ARSF: variants seen among roughly 807,000 people sequenced by gnomAD.
ARSF encodes arylsulfatase F.
In ARSF, 33 loss-of-function variants were observed where a neutral mutation model predicts 35.4. That is an observed-to-expected ratio of 0.93 (90% CI 0.71 to 1.25). ARSF has a LOEUF of 1.25. ARSF is among the 50% of genes most tolerant of loss of function. The pLI, the probability that ARSF is intolerant of heterozygous loss-of-function variation, is 0.00. For synonymous variants in ARSF, 222 were observed against 193.1 expected, an observed-to-expected ratio of 1.15 and a Z score of -1.24; for missense variants, 501 against 480.2, an observed-to-expected ratio of 1.04 and a Z score of -0.40.
At chrX:3,081,055 A>ATCATG in intron 5 of ARSF, 42 bp downstream of exon 5, 1 of 1,192,622 alleles carries the variant, frequency 8.4e-7, no homozygotes, top group Non-Finnish European at 1.1e-6. Context: ...TCATAAGGTA[A>ATCATG]TCATGTCCTT....
chrX:3,068,456 G>A (rs1190782110), intron 2 of ARSF, among the ~76,000 whole-genome samples: 9 of 111,745 alleles, frequency 8.1e-5, no homozygotes, highest in African/African-American at 2.6e-4. Flanking sequence ...GTTTTGCTCT[G>A]TCACCCAGGG....
At chrX:3,046,103 C>T (rs1356735139) in intron 1 of ARSF, among the ~76,000 whole-genome samples, 4 of 111,173 alleles carry the variant, frequency 3.6e-5, no homozygotes, top group Non-Finnish European at 7.5e-5. Context: ...CCAGGCTGGT[C>T]TCGAACTCCT....
intron 9 of ARSF, 121 bp from the exon 10 acceptor site, chrX:3,110,007 C>A: frequency 1.5e-6 from 1 of 671,179 alleles, no homozygotes; most frequent in Non-Finnish European, 2.1e-6. Context: ...CCTAAAGACT[C>A]AGTACGCTGT....
At chrX:3,092,205 A>C (rs976653496) in intron 7 of ARSF, among the ~76,000 whole-genome samples, 5 of 109,770 alleles carry the variant, frequency 4.6e-5, no homozygotes, top group African/African-American at 1.7e-4. Flanking sequence ...ACATACATAC[A>C]TACATAGATA....
intron 9 of ARSF, among the ~76,000 whole-genome samples, chrX:3,105,986 C>G (rs2090408773): frequency 8.9e-6 from 1 of 111,765 alleles, no homozygotes; most frequent in African/African-American, 3.3e-5. Flanking sequence ...CAAGTTCCAG[C>G]CGTTGTCCTC....
chrX:3,081,691 G>C (rs2090202957), intron 5 of ARSF, among the ~76,000 whole-genome samples: 1 of 110,993 alleles, frequency 9.0e-6, no homozygotes, highest in African/African-American at 3.3e-5. Context: ...TATATTACAA[G>C]AACATAAAAT....
At chrX:3,060,906 G>C (rs1187719666) in intron 1 of ARSF, among the ~76,000 whole-genome samples, 9 of 111,749 alleles carry the variant, frequency 8.1e-5, no homozygotes, top group Non-Finnish European at 1.7e-4. Flanking sequence ...TATTATCCAG[G>C]AGAACTTCCC....
upstream of ARSF, among the ~76,000 whole-genome samples, chrX:3,041,204 CCAAT>C (rs2089953431): frequency 9.0e-6 from 1 of 111,150 alleles, no homozygotes; most frequent in African/African-American, 3.3e-5. Flanking sequence ...CAACCTGCAA[CCAAT>C]CAGTTCCTAA....
At position 3,087,687 on chromosome X, in the gene ARSF, G is replaced by A. The variant is rs191909785; in HGVS notation, c.831-1809G>A. Among the ~76,000 whole-genome samples the A allele has an allele frequency of 2.7e-5, 3 of 111,974 alleles. No homozygotes were observed. The East Asian group carries it at 8.4e-4, about 31-fold the overall frequency. ...TATCCAGTTTCTTCTGGAGGCTCTAGGGGAGGATCTCTTCTGCCTCCTCTA... is the reference window on the plus strand; with the variant it reads ...TATCCAGTTTCTTCTGGAGGCTCTAAGGGAGGATCTCTTCTGCCTCCTCTA... On this transcript the variant is annotated intron_variant, in intron 6 of 10. Coordinates refer to ENST00000381127, the MANE Select transcript of ARSF (RefSeq NM_001201539.2).
intron 4 of ARSF, among the ~76,000 whole-genome samples, chrX:3,077,621 AGAGC>A (rs1389318908): frequency 1.8e-5 from 2 of 108,956 alleles, no homozygotes; most frequent in African/African-American, 6.7e-5. Flanking sequence ...CCTGGGTGAC[AGAGC>A]GAGACTCTGT....
At chrX:3,042,144 T>C (rs1433712935) in intron 1 of ARSF, among the ~76,000 whole-genome samples, 1 of 112,018 alleles carries the variant, frequency 8.9e-6, no homozygotes, top group African/African-American at 3.2e-5. Context: ...ATTAGTGTAG[T>C]AAAAAGAGCT....
intron 5 of ARSF, among the ~76,000 whole-genome samples, chrX:3,083,579 CCTAT>C (rs1287649751): frequency 7.3e-5 from 8 of 110,286 alleles, no homozygotes; most frequent in Middle Eastern, 4.7e-3. Context: ...CATCTATCTG[CCTAT>C]CTTTCTGTCT....
At chrX:3,072,863 T>C (rs1363574711) in intron 3 of ARSF, among the ~76,000 whole-genome samples, 2 of 103,702 alleles carry the variant, frequency 1.9e-5, no homozygotes, top group Non-Finnish European at 3.9e-5. Flanking sequence ...CATATCCATA[T>C]ATTATGAATA....
rs374120152 is a variant in ARSF, at chrX:3,112,249, C to T, written c.1466C>T (p.Ser489Leu). The change falls in exon 11 of 11, where the codon TCA becomes TTA. Residue 489 changes from serine (S) to leucine (L), a missense_variant. Coordinates refer to ENST00000381127, the MANE Select transcript of ARSF (RefSeq NM_001201539.2). ...GCTTCTGGTGGCTGCTATGTCACCTCATTATGCAGATGTTTCGGAGAACAG... is the reference window on the plus strand; with the variant it reads ...GCTTCTGGTGGCTGCTATGTCACCTTATTATGCAGATGTTTCGGAGAACAG... ...PPASGGCYVT[S>L]LCRCFGEQVT... 54 of 1,208,276 alleles carry T rather than the reference C, an allele frequency of 4.5e-5. No individual in the cohort carries two copies. In the Admixed American group the frequency reaches 4.6e-4, roughly 10 times the overall value.
intron 8 of ARSF, among the ~76,000 whole-genome samples, chrX:3,102,591 G>A (rs1347940132): frequency 8.9e-6 from 1 of 112,269 alleles, no homozygotes; most frequent in African/African-American, 3.2e-5. Context: ...ATAAGCATGC[G>A]TGCGCATGTT....
rs1158308642 is a variant in ARSF, at chrX:3,103,774, TG to T, written c.1121del (p.Gly374AlafsTer23). 3 of 1,209,147 alleles carry T rather than the reference TG, an allele frequency of 2.5e-6. No homozygotes were observed. The highest frequency in any genetic ancestry group is 1.8e-5 in the African/African-American group (1 of 57,013). On this transcript the variant is annotated frameshift_variant, in exon 9 of 11. Coordinates refer to ENST00000381127, the MANE Select transcript of ARSF (RefSeq NM_001201539.2). LOFTEE classifies it high-confidence loss of function. ...WNGIYKGGKG[M>X]GGWEGGIRVP... The stretch of plus-strand genomic sequence containing the variant: ...CATTGTCTTATAGGTGGAAAAGGCA[TG>T]GGGGGCTGGGAAGGTGGAATCCGCG...
At chrX:3,052,555 A>G (rs943836450) in intron 1 of ARSF, among the ~76,000 whole-genome samples, 1 of 110,754 alleles carries the variant, frequency 9.0e-6, no homozygotes, top group African/African-American at 3.3e-5. Flanking sequence ...CAGCCTGGGC[A>G]CGGTCAGTCA....
intron 9 of ARSF, among the ~76,000 whole-genome samples, chrX:3,106,053 G>A (rs1289748908): frequency 9.0e-6 from 1 of 111,608 alleles, no homozygotes; most frequent in Admixed American, 9.5e-5. Flanking sequence ...TGCATTCGGC[G>A]CCATGAGATT....
chrX:3,043,268 A>G (rs1484649544), intron 1 of ARSF, among the ~76,000 whole-genome samples: 3 of 112,420 alleles, frequency 2.7e-5, no homozygotes, highest in Non-Finnish European at 5.6e-5. Context: ...TGTTTAGGAC[A>G]GAACAGAAAA....
Sources: gnomAD v4.1 joint callset for allele counts (sites outside exome capture counted in the v4.1 genomes callset) on GRCh38, gnomAD v4.1.1 for gene constraint, MANE v1.5 for transcripts, NCBI Gene and HGNC (gene_info 2026-07-23, HGNC 2026-07-21) for gene names.